DYNC1I2: variants seen among roughly 807,000 people sequenced by gnomAD.
DYNC1I2 encodes the protein dynein cytoplasmic 1 intermediate chain 2, also known as cytoplasmic dynein 1 intermediate chain 2.
A neutral mutation model predicts 88.6 loss-of-function variants in DYNC1I2; 53 were observed. The observed-to-expected ratio is 0.60, with a 90% CI of 0.48 to 0.75. DYNC1I2 has a LOEUF of 0.75. Ranked by LOEUF, DYNC1I2 falls within the 30% of genes least tolerant of loss-of-function variation. The pLI is 0.00. For synonymous variants in DYNC1I2, 198 were observed against 254.6 expected, an observed-to-expected ratio of 0.78 and a Z score of 2.12; for missense variants, 458 against 766.6, an observed-to-expected ratio of 0.60 and a Z score of 4.75.
intron 10 of DYNC1I2, chr2:171,726,568 T>G: frequency 1.7e-6 from 1 of 589,688 alleles, no homozygotes; most frequent in Non-Finnish European, 2.7e-6. Context: ...TGGACACATA[T>G]TTTAATTAAA....
At chr2:171,705,248 T>G (rs1289147370) in intron 3 of DYNC1I2, among the ~76,000 whole-genome samples, 8 of 152,114 alleles carry the variant, frequency 5.3e-5, no homozygotes, top group Non-Finnish European at 7.4e-5. Context: ...GAATTTTGAT[T>G]AACATTTTTT....
At chr2:171,709,604 CAA>C (rs1161228085) in intron 5 of DYNC1I2, among the ~76,000 whole-genome samples, 1 of 152,016 alleles carries the variant, frequency 6.6e-6, no homozygotes, top group Non-Finnish European at 1.5e-5. Context: ...AACACAAAAA[CAA>C]ATAGTTAATA....
intron 1 of DYNC1I2, 151 bp from the exon 2 acceptor site, chr2:171,689,996 A>G (rs1419405981): frequency 2.6e-6 from 1 of 383,124 alleles, no homozygotes; most frequent in Non-Finnish European, 4.6e-6. Flanking sequence ...AAAGTAAGCT[A>G]CTGCCCAGCC....
At chr2:171,707,506 T>G in intron 5 of DYNC1I2, 129 bp downstream of exon 5, 1 of 749,744 alleles carries the variant, frequency 1.3e-6, no homozygotes, top group Non-Finnish European at 1.9e-6. Flanking sequence ...TAAAATGGCA[T>G]AGAAATTCTC....
Position 171,728,728 on chromosome 2 carries a change from G to A in DYNC1I2, c.1269G>A (p.Glu423=), listed in dbSNP as rs199908685. The stretch of plus-strand genomic sequence containing the variant: ...GTTTTTCTATGTAGGATAGCATGGA[G>A]TTGGTTCATAAACAGTCAAAAGCAG... ...DMLSHPQDSM[E]LVHKQSKAVA... The change falls in exon 14 of 18, where the codon GAG becomes GAA. Residue 423 remains glutamate (E), a synonymous_variant. Transcript: ENST00000397119. 30 of 1,595,560 alleles carry A rather than the reference G, an allele frequency of 1.9e-5. No individual in the cohort carries two copies. In the South Asian group the frequency reaches 2.9e-4, roughly 15 times the overall value.
chr2:171,694,136 C>T (rs1350431620), intron 3 of DYNC1I2, among the ~76,000 whole-genome samples: 1 of 151,700 alleles, frequency 6.6e-6, no homozygotes, highest in East Asian at 2.0e-4. Context: ...CTCCTGGGTT[C>T]AAGCGATTCT....
At chr2:171,740,186 G>A (rs1008759411) in intron 15 of DYNC1I2, among the ~76,000 whole-genome samples, 4 of 152,124 alleles carry the variant, frequency 2.6e-5, no homozygotes, top group African/African-American at 7.2e-5. Flanking sequence ...GTGTGTGGTT[G>A]CAGATAGTTT....
intron 6 of DYNC1I2, 105 bp downstream of exon 6, chr2:171,712,931 T>A: frequency 1.0e-6 from 1 of 953,452 alleles, no homozygotes; most frequent in Non-Finnish European, 1.7e-6. Flanking sequence ...TATCACGTAG[T>A]AAGGACAAGA....
intron 3 of DYNC1I2, among the ~76,000 whole-genome samples, chr2:171,699,397 A>G (rs993019556): frequency 1.3e-5 from 2 of 152,196 alleles, no homozygotes; most frequent in African/African-American, 4.8e-5. Context: ...TGATTTTCTT[A>G]TACTATCCAT....
chr2:171,695,674 G>GT (rs973220178), intron 3 of DYNC1I2, among the ~76,000 whole-genome samples: 19 of 152,072 alleles, frequency 1.2e-4, no homozygotes, highest in African/African-American at 3.6e-4. Flanking sequence ...AAAAATATGT[G>GT]TTTTTTCCCT....
intron 3 of DYNC1I2, among the ~76,000 whole-genome samples, chr2:171,693,897 A>G (rs1685563457): frequency 6.6e-6 from 1 of 152,226 alleles, no homozygotes; most frequent in African/African-American, 2.4e-5. Flanking sequence ...TCTTGTAACT[A>G]AACCAAGTTG....
chr2:171,721,196 C>T (rs1334833982), intron 7 of DYNC1I2, among the ~76,000 whole-genome samples: 2 of 144,010 alleles, frequency 1.4e-5, no homozygotes, highest in African/African-American at 5.1e-5. Context: ...TATAATTAAA[C>T]TATTAGTCTT....
chr2:171,727,356 TGCAGATTTTTAAA>T (rs1688322674), intron 11 of DYNC1I2, among the ~76,000 whole-genome samples: 1 of 152,126 alleles, frequency 6.6e-6, no homozygotes, highest in Non-Finnish European at 1.5e-5. Context: ...AGAAAACAGA[TGCAGATTTTTAAA>T]GCAGATTTAG....
Position 171,726,201 on chromosome 2 carries a change from C to T in DYNC1I2, c.778C>T (p.Gln260Ter), listed in dbSNP as rs779340708. Residue 260 changes from glutamine to a stop codon, truncating the protein, a stop_gained, in exon 10 of 18, where the codon CAA (glutamine) becomes TAA (stop). Coordinates refer to ENST00000397119, the MANE Select transcript of DYNC1I2 (RefSeq NM_001378.3). LOFTEE classifies it high-confidence loss of function. ...RDLEDKEGEI[Q>*]AGAKLSLNRQ... ...TTTGGTCTTTTTTTGTAGAGAGATT[C>T]AAGCAGGTGCTAAACTGTCATTAAA... 1 of 1,609,334 alleles carries T rather than the reference C, an allele frequency of 6.2e-7. No homozygotes were observed. The highest frequency in any genetic ancestry group is 1.7e-5 in the Admixed American group (1 of 59,098).
chr2:171,746,125 A>G (rs1390523920), intron 17 of DYNC1I2, among the ~76,000 whole-genome samples, 198 bp downstream of exon 17: 1 of 152,224 alleles, frequency 6.6e-6, no homozygotes, highest in Non-Finnish European at 1.5e-5. Context: ...TTCCCATGCA[A>G]CAGATTTTGA....
At chr2:171,743,910 A>G in intron 15 of DYNC1I2, 139 bp from the exon 16 acceptor site, 1 of 717,868 alleles carries the variant, frequency 1.4e-6, no homozygotes. Context: ...AATTGTAGGA[A>G]CTTTTTCTAG....
chr2:171,742,924 C>T (rs1689544235), intron 15 of DYNC1I2, among the ~76,000 whole-genome samples: 1 of 152,130 alleles, frequency 6.6e-6, no homozygotes, highest in African/African-American at 2.4e-5. Flanking sequence ...CCAGACTGTA[C>T]CATGAGAACT....
At chr2:171,739,594 T>C (rs1689255240) in intron 15 of DYNC1I2, among the ~76,000 whole-genome samples, 1 of 152,032 alleles carries the variant, frequency 6.6e-6, no homozygotes, top group Admixed American at 6.6e-5. Flanking sequence ...TGGCTCCTTA[T>C]TTTCGTCAAA....
intron 15 of DYNC1I2, among the ~76,000 whole-genome samples, chr2:171,733,046 A>G (rs181215213): frequency 1.3e-5 from 2 of 152,176 alleles, no homozygotes; most frequent in East Asian, 3.9e-4. Flanking sequence ...ATGTGTCTAC[A>G]TGTATGTTCA....
Sources: gnomAD v4.1 joint callset for allele counts (sites outside exome capture counted in the v4.1 genomes callset) on GRCh38, gnomAD v4.1.1 for gene constraint, MANE v1.5 for transcripts, NCBI Gene and HGNC (gene_info 2026-07-23, HGNC 2026-07-21) for gene names.